The following SLC2A12 variants were observed in gnomAD, a reference collection of about 807,000 sequenced individuals.
The protein encoded by SLC2A12 is solute carrier family 2 member 12.
Under a neutral mutation model 41.8 loss-of-function variants are expected in SLC2A12, and 23 were observed. The ratio of observed to expected loss-of-function variants is 0.55; its 90% CI spans 0.40 to 0.78. The LOEUF (loss-of-function observed/expected upper bound fraction) is 0.78, where lower values mean the gene tolerates loss of function less well. Among genes scored for constraint, SLC2A12 ranks in the 30% least tolerant of loss-of-function variants. The pLI, the probability that SLC2A12 is intolerant of heterozygous loss-of-function variation, is 0.00. For synonymous variants in SLC2A12, 295 were observed against 285.9 expected (o/e 1.03, Z -0.32); for missense variants, 654 against 745.6 (o/e 0.88, Z 1.43).
intron 2 of SLC2A12, among the ~76,000 whole-genome samples, chr6:134,022,456 G>A (rs1038744091): frequency 5.5e-5 from 8 of 145,740 alleles, no homozygotes; most frequent in Non-Finnish European, 7.5e-5. Flanking sequence ...TCTTGAACCC[G>A]GGAGGCAGAG....
intron 1 of SLC2A12, among the ~76,000 whole-genome samples, chr6:134,035,369 T>C (rs1307254232): frequency 1.3e-5 from 2 of 152,060 alleles, no homozygotes; most frequent in African/African-American, 2.4e-5. Context: ...CCTTTTCCCT[T>C]GAAAACCTTA....
At chr6:134,044,212 A>G (rs1273496446) in intron 1 of SLC2A12, among the ~76,000 whole-genome samples, 1 of 152,160 alleles carries the variant, frequency 6.6e-6, no homozygotes, top group Non-Finnish European at 1.5e-5. Context: ...ATATCAAGCC[A>G]TCTCCTCCAT....
intron 2 of SLC2A12, among the ~76,000 whole-genome samples, chr6:134,012,642 A>C (rs1042286772): frequency 2.6e-5 from 4 of 152,162 alleles, no homozygotes; most frequent in Non-Finnish European, 4.4e-5. Flanking sequence ...CAAATACCAT[A>C]CCTATTTGAT....
At chr6:134,013,115 A>G (rs1050502185) in intron 2 of SLC2A12, among the ~76,000 whole-genome samples, 1 of 152,028 alleles carries the variant, frequency 6.6e-6, no homozygotes, top group Non-Finnish European at 1.5e-5. Flanking sequence ...TCATCCCATC[A>G]TACATCTCTC....
chr6:134,004,393 A>G (rs1287010166), intron 3 of SLC2A12, among the ~76,000 whole-genome samples: 1 of 152,238 alleles, frequency 6.6e-6, no homozygotes, highest in Non-Finnish European at 1.5e-5. Flanking sequence ...CCACGCTTAA[A>G]TAGTAACCCC....
At chr6:134,018,126 T>G (rs1776988454) in intron 2 of SLC2A12, among the ~76,000 whole-genome samples, 1 of 152,088 alleles carries the variant, frequency 6.6e-6, no homozygotes, top group Non-Finnish European at 1.5e-5. Context: ...AAGCACATCC[T>G]ATGTGTCCCA....
At chr6:134,011,058 T>G (rs1441684402) in intron 2 of SLC2A12, among the ~76,000 whole-genome samples, 1 of 152,158 alleles carries the variant, frequency 6.6e-6, no homozygotes, top group Non-Finnish European at 1.5e-5. Context: ...CTTGAAAATC[T>G]TGCCAGAGAA....
intron 4 of SLC2A12, among the ~76,000 whole-genome samples, chr6:133,996,501 C>G (rs932547885): frequency 3.8e-4 from 58 of 152,060 alleles, no homozygotes; most frequent in African/African-American, 1.4e-3. Context: ...TTCGTTTTTT[C>G]AGCTTTTTAG....
rs1776579885 is a variant in SLC2A12 at position 133,989,020 on chromosome 6, G to A, written c.*2135C>T. On this transcript the variant is annotated 3_prime_UTR_variant, in exon 5 of 5. Coordinates refer to ENST00000275230, the MANE Select transcript of SLC2A12 (RefSeq NM_145176.3). The stretch of plus-strand genomic sequence containing the variant: ...AAACTGGGCAGATCAATAGATAATC[G>A]AAGTGCTTTATCTGAAGGGAGAGGG... 2 of 152,014 alleles carry A rather than the reference G, an allele frequency of 1.3e-5. No individual in the cohort carries two copies. Among genetic ancestry groups the A allele is most frequent in the African/African-American group, 4.8e-5 (2 of 41,374 alleles). The allele number at this position is 152,014 out of a possible 1,614,324, so 9.4% of individuals were successfully genotyped here.
Position 134,029,665 on chromosome 6 carries a change from C to A in SLC2A12, c.160G>T (p.Val54Leu). Residue 54 changes from valine (V) to leucine (L), a missense_variant, in exon 2 of 5, where the codon GTG becomes TTG. Val to Leu is a conservative substitution (Grantham distance 32). This residue lies in a region of SLC2A12 where 109 missense variants were observed against 153.0 expected (regional missense o/e 0.71). Transcript: ENST00000275230. ...GAGATGATCCCAAGTTCATAACCCACCAGGAGGCCACTGACAGCAGCAGTG... is the reference window on the plus strand; with the variant it reads ...GAGATGATCCCAAGTTCATAACCCAACAGGAGGCCACTGACAGCAGCAGTG... ...SVTAAVSGLL[V>L]GYELGIISGA... The A allele has an allele frequency of 1.2e-6, 2 of 1,611,858 alleles. No homozygotes were observed. Among genetic ancestry groups the A allele is most frequent in the Non-Finnish European group, 1.7e-6 (2 of 1,179,932 alleles).
chr6:134,033,144 T>C (rs1562202050), intron 1 of SLC2A12, among the ~76,000 whole-genome samples: 1 of 151,964 alleles, frequency 6.6e-6, no homozygotes, highest in Non-Finnish European at 1.5e-5. Flanking sequence ...TTTGGGTAAG[T>C]ACAGAGGGGG....
In SLC2A12 at chr6:133,987,648, G is replaced by GCACCACATGTGTATATATA. The variant is rs1776554666; in HGVS notation, c.*3506_*3507insTATATATACACATGTGGTG. Reference sequence around the variant, plus strand: ...TTTGTGTGTGTGTGTGTGTGTGTGTGTATATATATATATATATATGCACCA... The same window carrying GCACCACATGTGTATATATA: ...TTTGTGTGTGTGTGTGTGTGTGTGTGCACCACATGTGTATATATATATATATATATATATATATGCACCA... On this transcript the variant is annotated 3_prime_UTR_variant, in exon 5 of 5. Transcript: ENST00000275230. 1.1e-5 allele frequency: 1 copy of GCACCACATGTGTATATATA among 88,320 alleles called. No homozygotes were observed. The highest frequency in any genetic ancestry group is 3.6e-5 in the African/African-American group (1 of 27,502). 5.5% of individuals were successfully genotyped at this position (88,320 alleles called of 1,614,324 possible).
chr6:134,035,028 T>G (rs73774201), intron 1 of SLC2A12, among the ~76,000 whole-genome samples: 404 of 152,094 alleles, frequency 2.7e-3, no homozygotes, highest in African/African-American at 8.6e-3. Context: ...AGTTTTGTTA[T>G]GCCTATCCTG....
chr6:134,002,573 T>A (rs229913), intron 3 of SLC2A12, among the ~76,000 whole-genome samples: 27,559 of 152,116 alleles, frequency 0.18, 2,987 homozygotes, highest in South Asian at 0.31. Context: ...GTGGACAATT[T>A]TTTCCCCCTC....
At position 133,990,991 on chromosome 6, in the gene SLC2A12, G is replaced by T. The variant is rs1282762612; in HGVS notation, c.*164C>A. 4.0e-6 allele frequency: 3 copies of T among 743,502 alleles called. No homozygotes were observed. The highest frequency in any genetic ancestry group is 6.3e-6 in the Non-Finnish European group (3 of 479,014). 46.1% of individuals were successfully genotyped at this position (743,502 alleles called of 1,614,324 possible). On this transcript the variant is annotated 3_prime_UTR_variant, in exon 5 of 5. Transcript: ENST00000275230. ...TCATCTACCTTTTGAGGTTCCTTCT[G>T]GGGAGGAGGGGGATTAAAGGCTGTC...
chr6:134,037,144 ATTTTTTTTTTTTTTTT>A (rs533155835), intron 1 of SLC2A12, among the ~76,000 whole-genome samples: 2 of 83,310 alleles, frequency 2.4e-5, no homozygotes, highest in African/African-American at 5.6e-5. Context: ...ACTCGATTCA[ATTTTTTTTTTTTTTTT>A]TTTTTTTTTT....
Position 134,052,380 on chromosome 6 carries a change from C to G in SLC2A12, c.101G>C (p.Arg34Thr), listed in dbSNP as rs371044279. The G allele has an allele frequency of 1.2e-6, 2 of 1,611,920 alleles. No homozygotes were observed. Among genetic ancestry groups the G allele is most frequent in the Non-Finnish European group, 1.7e-6 (2 of 1,179,918 alleles). Residue 34 changes from arginine to threonine, a missense_variant and splice_region_variant, in exon 1 of 5, where the codon AGA becomes ACA. Physicochemically the swap from Arg to Thr is moderately conservative, Grantham distance 71. Around this residue, in one of 3 missense-constraint regions of SLC2A12, gnomAD observed 109 missense variants for 153.0 expected, o/e 0.71. Transcript: ENST00000275230. ...GSGSRHPPWA[R>T]GCGMFTFLSS... ...CGAGCACTGCAGGCTCACTTTACCT[C>G]TCGCCCAGGGAGGATGCCGGCTGCC...
intron 1 of SLC2A12, among the ~76,000 whole-genome samples, chr6:134,040,793 A>G (rs1422457632): frequency 1.3e-5 from 2 of 152,230 alleles, no homozygotes; most frequent in Non-Finnish European, 2.9e-5. Context: ...TGACTGGTCA[A>G]ACTTGGCTGT....
chr6:134,028,811 T>A lies in SLC2A12; in HGVS notation c.1014A>T (p.Val338=). 6.2e-7 allele frequency: 1 copy of A among 1,614,226 alleles called. No individual in the cohort carries two copies. Among genetic ancestry groups the A allele is most frequent in the Non-Finnish European group, 8.5e-7 (1 of 1,180,038 alleles). Residue 338 remains valine (V), a synonymous_variant, in exon 2 of 5, where the codon GTA becomes GTT. Transcript: ENST00000275230. ...VISTIPATLL[V]DHVGSKTFLC... ...GGAATGTTTTGCTGCCGACATGGTC[T>A]ACAAGAAGAGTGGCAGGGATGGTGC...
Sources: gnomAD v4.1 joint callset for allele counts (sites outside exome capture counted in the v4.1 genomes callset) on GRCh38, gnomAD v4.1.1 for gene constraint, gnomAD v4.1.1 regional missense constraint, MANE v1.5 for transcripts, NCBI Gene and HGNC (gene_info 2026-07-23, HGNC 2026-07-21) for gene names.